DOP1B: variants seen among roughly 807,000 people sequenced by gnomAD.
The protein encoded by DOP1B is DOP1 leucine zipper like protein B, also known as protein DOP1B.
DOP1B carries 174 observed loss-of-function variants against 233.5 expected under a neutral mutation model. The observed-to-expected ratio is 0.75, with a 90% CI of 0.66 to 0.85. The LOEUF (loss-of-function observed/expected upper bound fraction) is 0.85, where lower values mean the gene tolerates loss of function less well. DOP1B is among the 40% of genes least tolerant of loss of function. The probability of loss-of-function intolerance (pLI) is 0.00; values close to 1 mark genes in which losing one functional copy is unlikely to be tolerated. For missense variants in DOP1B, 2,652 were observed against 2,846.6 expected, an observed-to-expected ratio of 0.93 and a Z score of 1.56; for synonymous variants, 1,190 against 1,185.6, an observed-to-expected ratio of 1.00 and a Z score of -0.08.
chr21:36,195,266 G>C (rs1387274001), intron 2 of DOP1B, among the ~76,000 whole-genome samples: 1 of 151,158 alleles, frequency 6.6e-6, no homozygotes, highest in African/African-American at 2.4e-5. Flanking sequence ...ACTTGAACCT[G>C]GGAGGTGGAG....
At chr21:36,224,619 A>G (rs573526566) in intron 11 of DOP1B, among the ~76,000 whole-genome samples, 1 of 151,864 alleles carries the variant, frequency 6.6e-6, no homozygotes, top group South Asian at 2.1e-4. Context: ...TCAGTGTAAC[A>G]TGGCTTTGCT....
intron 18 of DOP1B, among the ~76,000 whole-genome samples, chr21:36,244,019 CTTTT>C (rs35020490): frequency 0.012 from 837 of 70,544 alleles, 7 homozygotes; most frequent in African/African-American, 0.049. Context: ...TTTTCCTTTC[CTTTT>C]TTTTTTTTTT....
Position 36,177,970 on chromosome 21 carries a change from C to T in DOP1B, c.138+13099C>T, listed in dbSNP as rs573001706. ...AGGGAAAGGGTTTGTGACCCACCTA[C>T]ACTATATAAATTCTCCCAAGAAAGT... On this transcript the variant is annotated intron_variant, in intron 2 of 36. Coordinates refer to ENST00000691173, the MANE Select transcript of DOP1B (RefSeq NM_001320714.2). Among the ~76,000 whole-genome samples, 8 of 152,182 alleles carry T rather than the reference C, an allele frequency of 5.3e-5. No homozygotes were observed. The South Asian group carries it at 6.2e-4, about 12-fold the overall frequency.
chr21:36,202,196 CAAA>C (rs2066376428), intron 4 of DOP1B, among the ~76,000 whole-genome samples: 1 of 148,900 alleles, frequency 6.7e-6, no homozygotes, highest in African/African-American at 2.6e-5. Context: ...CAGAAAAAAA[CAAA>C]CAAACAAACA....
chr21:36,271,334 C>A (rs1045442579), intron 27 of DOP1B, among the ~76,000 whole-genome samples: 11 of 142,696 alleles, frequency 7.7e-5, no homozygotes, highest in African/African-American at 2.7e-4. Context: ...AGTGCAGTGG[C>A]GTCATCTTGG....
At chr21:36,278,923 C>G (rs2067384374) in intron 30 of DOP1B, among the ~76,000 whole-genome samples, 1 of 151,984 alleles carries the variant, frequency 6.6e-6, no homozygotes, top group Admixed American at 6.6e-5. Flanking sequence ...CTATCTAATA[C>G]TGCTTTGTCT....
At chr21:36,231,193 T>G in intron 14 of DOP1B, 59 bp downstream of exon 14, 1 of 1,520,354 alleles carries the variant, frequency 6.6e-7, no homozygotes, top group Non-Finnish European at 8.8e-7. Context: ...GCGATTGACG[T>G]GGGTGGAATA....
chr21:36,195,090 C>CA (rs2066274639), intron 2 of DOP1B, among the ~76,000 whole-genome samples: 1 of 152,048 alleles, frequency 6.6e-6, no homozygotes, highest in Non-Finnish European at 1.5e-5. Context: ...CCTGTAATCC[C>CA]AGCACTTTGG....
intron 24 of DOP1B, chr21:36,261,475 T>C (rs939337586): frequency 1.0e-6 from 1 of 985,358 alleles, no homozygotes; most frequent in Non-Finnish European, 1.2e-6. Flanking sequence ...AGTTAATATA[T>C]GTATTAGGTG....
At chr21:36,169,870 G>A in intron 2 of DOP1B, 1 of 838,314 alleles carries the variant, frequency 1.2e-6, no homozygotes, top group Admixed American at 1.7e-5. Flanking sequence ...AGCAAAGATG[G>A]CCTTGAAGGT....
chr21:36,254,315 T>G (rs1253508433), intron 23 of DOP1B, among the ~76,000 whole-genome samples: 4 of 152,034 alleles, frequency 2.6e-5, no homozygotes, highest in African/African-American at 9.7e-5. Context: ...AAGACAGATG[T>G]GATTCAATAA....
At chr21:36,209,671 T>C (rs1043048694) in intron 5 of DOP1B, among the ~76,000 whole-genome samples, 1 of 152,136 alleles carries the variant, frequency 6.6e-6, no homozygotes, top group African/African-American at 2.4e-5. Context: ...GTCCCCCAGG[T>C]ATCCATCTCC....
chr21:36,256,800 TAAC>T (rs2067102930), intron 23 of DOP1B, among the ~76,000 whole-genome samples: 1 of 151,634 alleles, frequency 6.6e-6, no homozygotes, highest in Admixed American at 6.6e-5. Flanking sequence ...CTCAACAACA[TAAC>T]AATCAACACA....
At chr21:36,170,008 C>T in intron 2 of DOP1B, 4 of 748,598 alleles carry the variant, frequency 5.3e-6, no homozygotes, top group South Asian at 4.1e-5. Context: ...GTCGACTTCC[C>T]GTGTGATGTG....
intron 23 of DOP1B, among the ~76,000 whole-genome samples, chr21:36,254,894 A>G (rs1032428567): frequency 3.3e-5 from 5 of 151,480 alleles, no homozygotes; most frequent in Non-Finnish European, 7.4e-5. Context: ...GAGCCTAGCT[A>G]GAATCAGCTC....
intron 2 of DOP1B, among the ~76,000 whole-genome samples, chr21:36,166,865 G>T (rs1348418073): frequency 6.6e-6 from 1 of 152,250 alleles, no homozygotes; most frequent in African/African-American, 2.4e-5. Flanking sequence ...TGGCCAGTAA[G>T]CTGCTGGTCT....
At chr21:36,198,454 AT>A (rs1378304330) in intron 2 of DOP1B, among the ~76,000 whole-genome samples, 1 of 151,574 alleles carries the variant, frequency 6.6e-6, no homozygotes, top group Non-Finnish European at 1.5e-5. Flanking sequence ...AAAAAAAAAG[AT>A]TAAGCCATGA....
intron 24 of DOP1B, 101 bp downstream of exon 24, chr21:36,260,833 A>G: frequency 6.4e-7 from 1 of 1,567,222 alleles, no homozygotes; most frequent in East Asian, 2.3e-5. Flanking sequence ...ACTACTAGAG[A>G]GCCATTGTTC....
chr21:36,235,873 G>GGGA (rs55694639), intron 15 of DOP1B, among the ~76,000 whole-genome samples: 1 of 147,174 alleles, frequency 6.8e-6, no homozygotes, highest in South Asian at 2.3e-4. Flanking sequence ...CGGGGGGGGG[G>GGGA]CGGTCTACGT....
Sources: allele counts gnomAD v4.1 joint callset (sites outside exome capture counted in the v4.1 genomes callset), GRCh38; gene constraint gnomAD v4.1.1; transcripts MANE v1.5; gene names NCBI Gene and HGNC (gene_info 2026-07-23, HGNC 2026-07-21).